Variants in CCNJL observed in about 807,000 individuals in gnomAD.
The protein encoded by CCNJL is cyclin J like, also known as cyclin-J-like protein.
Under a neutral mutation model 33.4 loss-of-function variants are expected in CCNJL, and 33 were observed. The ratio of observed to expected loss-of-function variants is 0.99; its 90% CI spans 0.75 to 1.32. The LOEUF (loss-of-function observed/expected upper bound fraction) is 1.32, where lower values mean the gene tolerates loss of function less well. CCNJL is among the 40% of genes most tolerant of loss of function. CCNJL has a pLI of 0.00. For missense variants in CCNJL, 512 were observed against 499.7 expected (o/e 1.02, Z -0.23); for synonymous variants, 227 against 220.9 (o/e 1.03, Z -0.24).
chr5:160,315,093 A>T (rs1763364049), upstream of CCNJL, among the ~76,000 whole-genome samples: 1 of 152,198 alleles, frequency 6.6e-6, no homozygotes, highest in Non-Finnish European at 1.5e-5. Flanking sequence ...TAGAACAGGG[A>T]ACTGGTTTAA....
chr5:160,283,370 T>C (rs1248616084), intron 2 of CCNJL, among the ~76,000 whole-genome samples: 1 of 152,150 alleles, frequency 6.6e-6, no homozygotes, highest in African/African-American at 2.4e-5. Flanking sequence ...TAACTGCTAA[T>C]GGGTATGGGG....
chr5:160,297,668 A>AAAAAC (rs1561800375), intron 2 of CCNJL, among the ~76,000 whole-genome samples: 1 of 150,602 alleles, frequency 6.6e-6, no homozygotes. Context: ...AAAAAAAAAA[A>AAAAAC]AAAACAAAAC....
rs534295502 is a variant in CCNJL at position 160,264,979 on chromosome 5, T to C, written c.281-5208A>G. Among the ~76,000 whole-genome samples, 7 of 152,344 alleles carry C rather than the reference T, an allele frequency of 4.6e-5. No homozygotes were observed. The South Asian group carries it at 8.3e-4, about 18-fold the overall frequency. On this transcript the variant is annotated intron_variant, in intron 3 of 5. Transcript: ENST00000257536. ...AGAAATGTTACTATAATGAACTCCC[T>C]TGAATGTTATTACCCAGTGCCAACA...
chr5:160,326,936 G>C (rs1213809666), intron 1 of CCNJL: 2 of 636,576 alleles, frequency 3.1e-6, no homozygotes, highest in Non-Finnish European at 6.0e-6. Context: ...ATGCTAAAAG[G>C]ACATAATATT....
At chr5:160,263,373 T>A (rs954479249) in intron 3 of CCNJL, among the ~76,000 whole-genome samples, 1 of 152,232 alleles carries the variant, frequency 6.6e-6, no homozygotes, top group Non-Finnish European at 1.5e-5. Context: ...ATGCCTTTTA[T>A]AACCTTTGTT....
intron 2 of CCNJL, among the ~76,000 whole-genome samples, chr5:160,286,720 G>A (rs1202708827): frequency 1.3e-5 from 2 of 152,154 alleles, no homozygotes; most frequent in Non-Finnish European, 1.5e-5. Context: ...GGGGTTAGTA[G>A]GTACAGCGTG....
At chr5:160,321,186 A>G (rs2113473411) in intron 1 of CCNJL, among the ~76,000 whole-genome samples, 1 of 151,622 alleles carries the variant, frequency 6.6e-6, no homozygotes, top group South Asian at 2.1e-4. Context: ...GTGTGATAGG[A>G]GCCCTCCAGC....
At chr5:160,320,950 TC>T (rs1763444141) in intron 1 of CCNJL, among the ~76,000 whole-genome samples, 2 of 147,218 alleles carry the variant, frequency 1.4e-5, no homozygotes, top group Non-Finnish European at 3.0e-5. Context: ...CTTCCTTCCC[TC>T]CTTCTCTCCT....
At chr5:160,323,846 C>A (rs943047451) in intron 1 of CCNJL, among the ~76,000 whole-genome samples, 2 of 152,212 alleles carry the variant, frequency 1.3e-5, no homozygotes, top group Non-Finnish European at 2.9e-5. Flanking sequence ...AAGAGAATTT[C>A]TTTTTCTGTC....
intron 2 of CCNJL, among the ~76,000 whole-genome samples, chr5:160,287,726 T>C (rs977741399): frequency 1.3e-5 from 2 of 152,234 alleles, no homozygotes; most frequent in African/African-American, 2.4e-5. Flanking sequence ...GGGCGGCTTC[T>C]AAAGCTCTCC....
intron 3 of CCNJL, among the ~76,000 whole-genome samples, chr5:160,278,463 G>A (rs762689071): frequency 2.0e-5 from 3 of 152,128 alleles, no homozygotes; most frequent in Non-Finnish European, 2.9e-5. Flanking sequence ...CCTGGGGAGA[G>A]GGGAGGAGGG....
At chr5:160,270,843 C>A (rs1761808056) in intron 3 of CCNJL, among the ~76,000 whole-genome samples, 1 of 152,180 alleles carries the variant, frequency 6.6e-6, no homozygotes, top group Non-Finnish European at 1.5e-5. Context: ...CCAGAGCTAG[C>A]AGAATAACTG....
chr5:160,259,823 C>T (rs776500860), intron 3 of CCNJL, 52 bp from the exon 4 acceptor site: 4 of 1,504,560 alleles, frequency 2.7e-6, no homozygotes, highest in Non-Finnish European at 3.6e-6. Context: ...TACCTGAACC[C>T]AGGAAGCTAA....
chr5:160,284,205 A>G (rs1289428696), intron 2 of CCNJL, among the ~76,000 whole-genome samples: 1 of 152,068 alleles, frequency 6.6e-6, no homozygotes, highest in Admixed American at 6.6e-5. Context: ...TGAAAAAATT[A>G]GCCTGTTGTG....
At position 160,339,373 on chromosome 5, in the gene CCNJL, A is replaced by AAAAC. The variant is rs1763722713; in HGVS notation, n.206+71_206+72insGTTT. 8.3e-5 allele frequency: 26 copies of AAAAC among 313,140 alleles called. 1 individual carries two copies. Among genetic ancestry groups the AAAAC allele is most frequent in the South Asian group, 1.5e-4 (6 of 39,008 alleles). 19.4% of individuals were successfully genotyped at this position (313,140 alleles called of 1,614,324 possible). ...AACATGCAAAACAAAAAAAAAAAAC[A>AAAAC]AAAAAAAACGCCAAAACCCCAAAAC... On this transcript the variant is annotated intron_variant and non_coding_transcript_variant, in intron 1 of 7. Coordinates refer to the CCNJL transcript ENST00000377503.
At chr5:160,337,454 A>G (rs1278160827) in intron 1 of CCNJL, among the ~76,000 whole-genome samples, 7 of 152,008 alleles carry the variant, frequency 4.6e-5, no homozygotes, top group African/African-American at 1.7e-4. Flanking sequence ...AAGCCCTCCA[A>G]TTATTTCACG....
At chr5:160,292,296 C>A (rs574979767) in intron 2 of CCNJL, among the ~76,000 whole-genome samples, 2 of 152,114 alleles carry the variant, frequency 1.3e-5, no homozygotes, top group African/African-American at 4.8e-5. Context: ...ATATAGATAT[C>A]TCTATACATA....
chr5:160,287,681 C>T (rs930381969), intron 2 of CCNJL, among the ~76,000 whole-genome samples: 12 of 152,248 alleles, frequency 7.9e-5, no homozygotes, highest in Non-Finnish European at 1.6e-4. Context: ...TGCTGAGTGG[C>T]CTGGATTCCA....
intron 1 of CCNJL, among the ~76,000 whole-genome samples, chr5:160,319,641 A>T (rs2113470633): frequency 6.6e-6 from 1 of 152,332 alleles, no homozygotes; most frequent in East Asian, 1.9e-4. Flanking sequence ...CTGAAATAAT[A>T]AACAACAGGT....
Sources: gnomAD v4.1 joint callset for allele counts (sites outside exome capture counted in the v4.1 genomes callset) on GRCh38, gnomAD v4.1.1 for gene constraint, MANE v1.5 for transcripts, NCBI Gene and HGNC (gene_info 2026-07-23, HGNC 2026-07-21) for gene names.